The following JCAD variants were observed in gnomAD, a reference collection of about 807,000 sequenced individuals.
JCAD encodes junctional cadherin 5-associated protein.
A neutral mutation model predicts 98.0 loss-of-function variants in JCAD; 40 were observed. That is an observed-to-expected ratio of 0.41 (90% confidence interval 0.32 to 0.53). The LOEUF (loss-of-function observed/expected upper bound fraction) is 0.53, where lower values mean the gene tolerates loss of function less well. JCAD is among the 20% of genes least tolerant of loss of function. The probability of loss-of-function intolerance (pLI) is 0.31; values close to 1 mark genes in which losing one functional copy is unlikely to be tolerated. For missense variants in JCAD, 1,705 were observed against 1,738.1 expected, an observed-to-expected ratio of 0.98 and a Z score of 0.34; for synonymous variants, 691 against 682.3, an observed-to-expected ratio of 1.01 and a Z score of -0.20.
intron 1 of JCAD, among the ~76,000 whole-genome samples, chr10:30,072,191 G>A (rs1055148678): frequency 2.6e-5 from 4 of 151,466 alleles, no homozygotes; most frequent in African/African-American, 9.7e-5. Context: ...GAGGGGAGAG[G>A]GATATAAATT....
intron 1 of JCAD, among the ~76,000 whole-genome samples, chr10:30,048,377 T>C (rs148203144): frequency 2.0e-5 from 3 of 152,166 alleles, no homozygotes; most frequent in Non-Finnish European, 4.4e-5. Flanking sequence ...AGATCTTTAA[T>C]CAACACAGTC....
rs1035180002 is a variant in JCAD at position 30,059,459 on chromosome 10, G to A, written c.-60+23C>T. 6.6e-6 allele frequency: 1 copy of A among 151,542 alleles called. No individual in the cohort carries two copies. The highest frequency in any genetic ancestry group is 6.6e-5 in the Admixed American group (1 of 15,200). The allele number at this position is 151,542 out of a possible 1,614,324, so 9.4% of individuals were successfully genotyped here. On this transcript the variant is annotated intron_variant, in intron 1 of 3. Transcript: ENST00000375377. This position sits in a 1 kb window ranked among gnomAD's most constrained non-coding sequence, Gnocchi z 5.0. ...GGCCCTAATGGACGGTGGGAGCCAG[G>A]AGGGTTAGACGCCGGGACTTACCGA...
chr10:30,018,319 C>T (rs1369307851), intron 3 of JCAD, among the ~76,000 whole-genome samples: 9 of 143,736 alleles, frequency 6.3e-5, no homozygotes, highest in African/African-American at 1.6e-4. Context: ...TGGTAAATTA[C>T]AGCTCAAAAG....
At position 30,014,258 on chromosome 10, in the gene JCAD, C is replaced by T. The variant is rs1836487890; in HGVS notation, c.*3625G>A. 6.6e-6 allele frequency: 1 copy of T among 152,206 alleles called. No homozygotes were observed. The allele number at this position is 152,206 out of a possible 1,614,324, so 9.4% of individuals were successfully genotyped here. ...AACAAAAAGAAAATGCAAAAATCCC[C>T]CAGCCTGCAACAGCTTCGGCTTAAG... On this transcript the variant is annotated 3_prime_UTR_variant, in exon 4 of 4. Coordinates refer to ENST00000375377, the MANE Select transcript of JCAD (RefSeq NM_020848.4).
chr10:30,044,940 A>T, intron 2 of JCAD: 1 of 227,628 alleles, frequency 4.4e-6, no homozygotes, highest in Non-Finnish European at 7.3e-6. Flanking sequence ...TTTCTACCCT[A>T]GGAGCCAACC....
intron 1 of JCAD, among the ~76,000 whole-genome samples, chr10:30,079,329 A>G: frequency 6.9e-6 from 1 of 144,116 alleles, no homozygotes; most frequent in Non-Finnish European, 1.5e-5. Context: ...CCTGGGCGAT[A>G]GAGCAAGACT....
In JCAD at chr10:30,014,844, C is replaced by T. The variant is rs1048957022; in HGVS notation, c.*3039G>A. ...CTTAGAATTTCCACGTGAATGAAAC[C>T]CGCAACCTACAACTCTGCTAAGGAA... On this transcript the variant is annotated 3_prime_UTR_variant, in exon 4 of 4. Transcript: ENST00000375377. The T allele has an allele frequency of 5.9e-5, 9 of 152,134 alleles. No individual in the cohort carries two copies. Among genetic ancestry groups the T allele is most frequent in the African/African-American group, 2.2e-4 (9 of 41,424 alleles). The allele number at this position is 152,134 out of a possible 1,614,324, so 9.4% of individuals were successfully genotyped here.
chr10:30,076,457 C>T (rs1471937787), intron 1 of JCAD, among the ~76,000 whole-genome samples: 1 of 152,150 alleles, frequency 6.6e-6, no homozygotes, highest in African/African-American at 2.4e-5. Flanking sequence ...ACAGGTGAAA[C>T]TGATTTTCAT....
chr10:30,099,753 A>G (rs551166724), intron 1 of JCAD, among the ~76,000 whole-genome samples: 1 of 152,296 alleles, frequency 6.6e-6, no homozygotes, highest in South Asian at 2.1e-4. Flanking sequence ...AAGAATCAAT[A>G]TGTCAGTATA....
At chr10:30,072,339 A>G (rs7077369) in intron 1 of JCAD, among the ~76,000 whole-genome samples, 1,619 of 152,268 alleles carry the variant, frequency 0.011, 35 homozygotes, top group African/African-American at 0.036. Flanking sequence ...CATTTTCCAG[A>G]TTACATGATT....
intron 1 of JCAD, among the ~76,000 whole-genome samples, chr10:30,096,645 T>A (rs1044963644): frequency 4.0e-5 from 6 of 151,468 alleles, no homozygotes; most frequent in Non-Finnish European, 8.8e-5. Context: ...TTAATGAGCA[T>A]CTGTTTGTGC....
At chr10:30,106,602 G>C (rs898198489) in intron 1 of JCAD, among the ~76,000 whole-genome samples, 3 of 152,194 alleles carry the variant, frequency 2.0e-5, no homozygotes, top group African/African-American at 7.2e-5. Context: ...CTGGGTTCAA[G>C]CGATTCTGCT....
intron 3 of JCAD, among the ~76,000 whole-genome samples, chr10:30,024,688 ATTTTTTTTT>A (rs35394945): frequency 9.9e-6 from 1 of 100,664 alleles, no homozygotes; most frequent in Non-Finnish European, 1.8e-5. Context: ...GCCCATGTAC[ATTTTTTTTT>A]TTTTTTTTTT....
At chr10:30,091,643 A>G (rs558321821) in intron 1 of JCAD, among the ~76,000 whole-genome samples, 1 of 151,890 alleles carries the variant, frequency 6.6e-6, no homozygotes, top group East Asian at 1.9e-4. Flanking sequence ...GACAGGCAAA[A>G]TACTAAAAAC....
chr10:30,027,802 A>C lies in JCAD; in HGVS notation c.2346T>G (p.Ser782Arg), dbSNP rs1161749782. 1.9e-6 allele frequency: 3 copies of C among 1,614,238 alleles called. No homozygotes were observed. Among genetic ancestry groups the C allele is most frequent in the South Asian group, 1.1e-5 (1 of 91,088 alleles). The change falls in exon 3 of 4, where the codon AGT (serine) becomes AGG (arginine). Residue 782 changes from serine to arginine, a missense_variant. Physicochemically the swap from Ser to Arg is moderately radical, Grantham distance 110 (BLOSUM62 -1). Around this residue, in one of 3 missense-constraint regions of JCAD, gnomAD observed 1,278 missense variants for 1,243.1 expected, o/e 1.03. Transcript: ENST00000375377. ...GCCCGTGGACATCCACGCAGGGCTG[A>C]CTTCGGCCTGCTTTTGGCGTCGGTG... ...DQAPTPKAGR[S>R]QPCVDVHGLG...
chr10:30,109,195 G>C (rs546791588), intron 1 of JCAD, among the ~76,000 whole-genome samples: 4 of 152,148 alleles, frequency 2.6e-5, no homozygotes, highest in Non-Finnish European at 4.4e-5. Flanking sequence ...TACGATTGGC[G>C]GAGCGGAATT....
chr10:30,054,017 G>C lies in JCAD; in HGVS notation c.-60+5465C>G, dbSNP rs548262019. On this transcript the variant is annotated intron_variant, in intron 1 of 3. Coordinates refer to ENST00000375377, the MANE Select transcript of JCAD (RefSeq NM_020848.4). ...GCAAAGGTTGCAGTGAGCCGAGATC[G>C]TGCCATTGCACCTCACCCTGAGCGA... Among the ~76,000 whole-genome samples, 317 of 152,304 alleles carry C rather than the reference G, an allele frequency of 2.1e-3. 1 individual carries two copies. The highest frequency in any genetic ancestry group is 1.5e-3 in the Non-Finnish European group (103 of 68,028).
intron 1 of JCAD, among the ~76,000 whole-genome samples, chr10:30,101,759 A>C (rs1049449418): frequency 1.3e-5 from 2 of 152,094 alleles, no homozygotes; most frequent in African/African-American, 4.8e-5. Flanking sequence ...ATAGTCTTTT[A>C]AGCATAAAAT....
At chr10:30,108,763 C>T (rs1041313241) in intron 1 of JCAD, among the ~76,000 whole-genome samples, 8 of 151,884 alleles carry the variant, frequency 5.3e-5, no homozygotes, top group Non-Finnish European at 1.2e-4. Flanking sequence ...TAACAAATGC[C>T]TTCTTCGTAA....
Sources: allele counts gnomAD v4.1 joint callset (sites outside exome capture counted in the v4.1 genomes callset), GRCh38; gene constraint gnomAD v4.1.1; regional missense constraint gnomAD v4.1.1; non-coding constraint Gnocchi (gnomAD v3.1); transcripts MANE v1.5; gene names NCBI Gene and HGNC (gene_info 2026-07-23, HGNC 2026-07-21).